PSD2: variants seen among roughly 807,000 people sequenced by gnomAD.
The protein encoded by PSD2 is pleckstrin and Sec7 domain containing 2.
A neutral mutation model predicts 69.8 loss-of-function variants in PSD2; 38 were observed. The ratio of observed to expected loss-of-function variants is 0.54; its 90% confidence interval spans 0.42 to 0.71. PSD2 has a LOEUF of 0.71. Ranked by LOEUF, PSD2 falls within the 30% of genes least tolerant of loss-of-function variation. PSD2 has a pLI of 0.00. For missense variants in PSD2, 943 were observed against 1,014.5 expected, an observed-to-expected ratio of 0.93 and a Z score of 0.96; for synonymous variants, 412 against 423.0, an observed-to-expected ratio of 0.97 and a Z score of 0.32.
At chr5:139,758,330 A>G in the PSD2 span, among the ~76,000 whole-genome samples, 6 of 152,334 alleles carry the variant, frequency 3.9e-5, no homozygotes, top group South Asian at 1.2e-3. Flanking sequence ...GGCTGGGGAC[A>G]GGAAGTACAT....
the PSD2 span, among the ~76,000 whole-genome samples, chr5:139,772,367 A>C: frequency 6.6e-6 from 1 of 152,174 alleles, no homozygotes; most frequent in Non-Finnish European, 1.5e-5. Flanking sequence ...ATCTGTAAAA[A>C]GCATTTGGTG....
chr5:139,782,482 C>T, the PSD2 span, among the ~76,000 whole-genome samples: 1 of 148,466 alleles, frequency 6.7e-6, no homozygotes, highest in African/African-American at 2.5e-5. Flanking sequence ...CTGTGCTGGG[C>T]CTGACTAGTT....
In PSD2 at chr5:139,837,382, G is replaced by A. The variant is rs1440814157; in HGVS notation, c.1665+144G>A. The stretch of plus-strand genomic sequence containing the variant: ...TTCCCCAGACTTGGGCCCTCTCAGG[G>A]CTTTGGAGGTTTTTGGGAGAACTTG... On this transcript the variant is annotated intron_variant, in intron 11 of 14. Coordinates refer to ENST00000274710, the MANE Select transcript of PSD2 (RefSeq NM_032289.4). The surrounding 1 kb of genome is among the most constrained non-coding windows in gnomAD (Gnocchi z 5.0). The A allele has an allele frequency of 5.5e-6, 5 of 906,630 alleles. No individual in the cohort carries two copies. Among genetic ancestry groups the A allele is most frequent in the Non-Finnish European group, 6.7e-6 (4 of 594,528 alleles). The allele number at this position is 906,630 out of a possible 1,614,324, so 56.2% of individuals were successfully genotyped here.
chr5:139,753,759 C>T, the PSD2 span, among the ~76,000 whole-genome samples: 3 of 152,158 alleles, frequency 2.0e-5, no homozygotes, highest in African/African-American at 4.8e-5. Context: ...GCATGTGGAG[C>T]TGCTTTTTGG....
At chr5:139,816,079 TGA>T (rs1028763364) in intron 4 of PSD2, among the ~76,000 whole-genome samples, 3 of 151,856 alleles carry the variant, frequency 2.0e-5, no homozygotes, top group African/African-American at 7.3e-5. Context: ...TGCCCATTAC[TGA>T]GTTTCAAAGT....
At chr5:139,775,435 G>C in the PSD2 span, 1 of 152,336 alleles carries the variant, frequency 6.6e-6, no homozygotes, top group African/African-American at 2.4e-5. Flanking sequence ...AAGTGTCTGT[G>C]CGTGTGAGGA....
At position 139,813,536 on chromosome 5, in the gene PSD2, T is replaced by C. The variant is rs149085213; in HGVS notation, c.599T>C (p.Ile200Thr). 318 of 1,610,184 alleles carry C rather than the reference T, an allele frequency of 2.0e-4. 1 individual carries two copies. In the African/African-American group the frequency reaches 2.1e-3, roughly 11 times the overall value. ...CCTGAGCCAGGGGCTGGGTTGGGCATTGGGGACATGGCGTTTGAGGGGGAC... is the reference window on the plus strand; with the variant it reads ...CCTGAGCCAGGGGCTGGGTTGGGCACTGGGGACATGGCGTTTGAGGGGGAC... ...DSPEPGAGLGIGDMAFEGDMG... is the reference protein window; with the variant it reads ...DSPEPGAGLGTGDMAFEGDMG... Residue 200 changes from isoleucine (I) to threonine (T), a missense_variant, in exon 3 of 15, where the codon ATT becomes ACT. This residue lies in a region of PSD2 where 466 missense variants were observed against 445.0 expected (regional missense o/e 1.05). Transcript: ENST00000274710.
chr5:139,804,976 T>C (rs1759764492), intron 1 of PSD2, among the ~76,000 whole-genome samples: 1 of 151,622 alleles, frequency 6.6e-6, no homozygotes, highest in African/African-American at 2.4e-5. Flanking sequence ...CGTGTGTGCG[T>C]GCGTGTGTGC....
chr5:139,778,308 C>G, the PSD2 span, among the ~76,000 whole-genome samples: 1 of 152,238 alleles, frequency 6.6e-6, no homozygotes, highest in African/African-American at 2.4e-5. Context: ...CCCCCAAGAA[C>G]TGTAAGCCTT....
At chr5:139,781,423 C>T in the PSD2 span, among the ~76,000 whole-genome samples, 151 of 152,010 alleles carry the variant, frequency 9.9e-4, no homozygotes, top group African/African-American at 3.5e-3. Flanking sequence ...GCAAGCTCCA[C>T]CTCCTGGGTT....
At chr5:139,801,637 T>C (rs1411873447) in intron 1 of PSD2, among the ~76,000 whole-genome samples, 2 of 152,102 alleles carry the variant, frequency 1.3e-5, no homozygotes, top group African/African-American at 2.4e-5. Context: ...TCTTGTGGCT[T>C]TAAGTATCAC....
chr5:139,760,179 C>T, the PSD2 span, among the ~76,000 whole-genome samples: 1 of 152,228 alleles, frequency 6.6e-6, no homozygotes, highest in Non-Finnish European at 1.5e-5. Flanking sequence ...TACCCCAGTC[C>T]TGGGCCTGGC....
intron 1 of PSD2, among the ~76,000 whole-genome samples, chr5:139,806,937 C>T (rs1206764581): frequency 6.6e-6 from 1 of 152,178 alleles, no homozygotes; most frequent in African/African-American, 2.4e-5. Flanking sequence ...TGGCCCAGTG[C>T]CTGGTGTTGG....
chr5:139,754,254 AC>A, the PSD2 span, among the ~76,000 whole-genome samples: 1 of 150,172 alleles, frequency 6.7e-6, no homozygotes, highest in Non-Finnish European at 1.5e-5. Context: ...ACATGGGGAA[AC>A]CCCATCTCTA....
chr5:139,830,315 G>T (rs1303829143), intron 7 of PSD2, among the ~76,000 whole-genome samples: 8 of 145,012 alleles, frequency 5.5e-5, no homozygotes, highest in Admixed American at 5.5e-4. Flanking sequence ...TTCTCACTCT[G>T]TGGGTTGTTT....
At chr5:139,750,074 C>A in the PSD2 span, among the ~76,000 whole-genome samples, 2 of 151,648 alleles carry the variant, frequency 1.3e-5, no homozygotes, top group Admixed American at 1.3e-4. Context: ...GCCTGTAATC[C>A]CAGCACTTTG....
intron 7 of PSD2, among the ~76,000 whole-genome samples, chr5:139,824,745 G>A (rs1760372890): frequency 6.6e-6 from 1 of 152,140 alleles, no homozygotes; most frequent in African/African-American, 2.4e-5. Flanking sequence ...TAAAGAATGT[G>A]AAGTAAAGCT....
the PSD2 span, among the ~76,000 whole-genome samples, chr5:139,768,846 C>T: frequency 6.6e-6 from 1 of 152,168 alleles, no homozygotes; most frequent in East Asian, 1.9e-4. Context: ...CTCTCAGTCC[C>T]TCCACCCTGG....
chr5:139,831,241 A>G (rs2065925709), intron 7 of PSD2, among the ~76,000 whole-genome samples: 1 of 152,156 alleles, frequency 6.6e-6, no homozygotes, highest in African/African-American at 2.4e-5. Flanking sequence ...TAGTGTAGCT[A>G]TACTGGAGTT....
Sources: gnomAD v4.1 joint callset for allele counts (sites outside exome capture counted in the v4.1 genomes callset) on GRCh38, gnomAD v4.1.1 for gene constraint, gnomAD v4.1.1 regional missense constraint, Gnocchi (gnomAD v3.1) non-coding constraint, MANE v1.5 for transcripts, NCBI Gene and HGNC (gene_info 2026-07-23, HGNC 2026-07-21) for gene names.